WDPCP: variants seen among roughly 807,000 people sequenced by gnomAD.
The protein encoded by WDPCP is WD repeat-containing and planar cell polarity effector protein fritz homolog.
WDPCP carries 71 observed loss-of-function variants against 93.1 expected under a neutral mutation model. The observed-to-expected ratio is 0.76, with a 90% CI of 0.63 to 0.93. The LOEUF is 0.93. Ranked by LOEUF, WDPCP falls within the 40% of genes least tolerant of loss-of-function variation. The probability of loss-of-function intolerance (pLI) is 0.00; values close to 1 mark genes in which losing one functional copy is unlikely to be tolerated. For missense variants in WDPCP, 844 were observed against 887.4 expected, an observed-to-expected ratio of 0.95 and a Z score of 0.62; for synonymous variants, 315 against 315.0, an observed-to-expected ratio of 1.00 and a Z score of 0.00.
intron 3 of WDPCP, among the ~76,000 whole-genome samples, chr2:63,640,312 G>C (rs187801): frequency 6.6e-6 from 1 of 152,108 alleles, no homozygotes; most frequent in Admixed American, 6.5e-5. Flanking sequence ...CCGGCCAGAT[G>C]TAATGTTAAT....
At chr2:63,179,879 G>C (rs761160275) in intron 14 of WDPCP, among the ~76,000 whole-genome samples, 5 of 152,122 alleles carry the variant, frequency 3.3e-5, no homozygotes, top group Non-Finnish European at 7.3e-5. Flanking sequence ...TGTGATTGCT[G>C]TCTTTTAAAA....
intron 3 of WDPCP, chr2:63,599,263 C>T: frequency 6.8e-6 from 11 of 1,613,688 alleles, no homozygotes; most frequent in Non-Finnish European, 9.3e-6. Context: ...TTGCTTGACT[C>T]GTTTGGATCA....
chr2:63,522,588 GAGA>G (rs2106170939), intron 1 of WDPCP, among the ~76,000 whole-genome samples: 1 of 151,968 alleles, frequency 6.6e-6, no homozygotes, highest in Non-Finnish European at 1.5e-5. Flanking sequence ...AAGAAAAAGA[GAGA>G]AGATCTAAAT....
chr2:63,147,689 C>T (rs1224632707), intron 17 of WDPCP, among the ~76,000 whole-genome samples: 4 of 152,122 alleles, frequency 2.6e-5, no homozygotes, highest in Non-Finnish European at 4.4e-5. Context: ...GCCTAATAGG[C>T]TGGGTGCGGT....
chr2:63,754,219 T>C (rs781497873), intron 2 of WDPCP, among the ~76,000 whole-genome samples: 1 of 152,194 alleles, frequency 6.6e-6, no homozygotes, highest in Non-Finnish European at 1.5e-5. Context: ...TATCAGTTGA[T>C]GGCAATTCTC....
At chr2:63,797,053 T>A (rs1035506139) in intron 2 of WDPCP, among the ~76,000 whole-genome samples, 5 of 152,124 alleles carry the variant, frequency 3.3e-5, no homozygotes, top group African/African-American at 1.2e-4. Context: ...GAGGCTCCAT[T>A]CCAGGCCCTA....
intron 2 of WDPCP, among the ~76,000 whole-genome samples, chr2:63,809,655 G>C (rs1239456253): frequency 3.3e-5 from 5 of 151,874 alleles, no homozygotes; most frequent in South Asian, 4.2e-4. Flanking sequence ...GTCCACTCAG[G>C]GTTAAATGGA....
At chr2:63,562,811 T>C (rs1706726023) in intron 1 of WDPCP, among the ~76,000 whole-genome samples, 1 of 152,230 alleles carries the variant, frequency 6.6e-6, no homozygotes, top group African/African-American at 2.4e-5. Context: ...ATTTGGCCAC[T>C]GGAGTTCCTT....
At chr2:63,494,300 G>GACGACGACA (rs1260980085) in intron 1 of WDPCP, among the ~76,000 whole-genome samples, 3 of 151,834 alleles carry the variant, frequency 2.0e-5, no homozygotes, top group South Asian at 2.1e-4. Flanking sequence ...CGACGACGAC[G>GACGACGACA]ACAATGATGA....
intron 12 of WDPCP, among the ~76,000 whole-genome samples, chr2:63,327,233 C>G (rs945843263): frequency 2.6e-5 from 4 of 152,124 alleles, no homozygotes; most frequent in Non-Finnish European, 4.4e-5. Flanking sequence ...TCTGCTCAAA[C>G]CTGCGAGTTG....
At chr2:63,807,955 ACAAT>A (rs1378401815) in intron 2 of WDPCP, among the ~76,000 whole-genome samples, 2 of 152,222 alleles carry the variant, frequency 1.3e-5, no homozygotes, top group African/African-American at 4.8e-5. Context: ...CTGTCAGAAA[ACAAT>A]CAAACCAACA....
intron 2 of WDPCP, among the ~76,000 whole-genome samples, chr2:63,687,872 A>G (rs1167290654): frequency 2.0e-5 from 3 of 152,244 alleles, no homozygotes; most frequent in African/African-American, 2.4e-5. Flanking sequence ...GATATCGAAG[A>G]TGTATCTGTA....
At chr2:63,581,314 G>A (rs951009372) in intron 1 of WDPCP, among the ~76,000 whole-genome samples, 17 of 152,176 alleles carry the variant, frequency 1.1e-4, no homozygotes, top group African/African-American at 4.1e-4. Flanking sequence ...TCCCTGGAGA[G>A]GGAGAATCAT....
At chr2:63,356,258 G>T (rs972866181) in intron 12 of WDPCP, among the ~76,000 whole-genome samples, 1 of 152,090 alleles carries the variant, frequency 6.6e-6, no homozygotes, top group Non-Finnish European at 1.5e-5. Context: ...CCCAACACAG[G>T]AGCCTTCAGA....
rs139765213 is a variant in WDPCP, at chr2:63,573,419, T to A, written c.75+14778A>T. 3.1e-3 allele frequency among the ~76,000 whole-genome samples: 470 copies of A among 152,306 alleles called. 4 individuals carry two copies. Among genetic ancestry groups the A allele is most frequent in the African/African-American group, 0.01 (436 of 41,560 alleles). Reference sequence around the variant, plus strand: ...TTATTAGTTCCCCAAATTAATACTTTAATAATTTCTTATGCCTGTCTTTAC... The same window carrying A: ...TTATTAGTTCCCCAAATTAATACTTAAATAATTTCTTATGCCTGTCTTTAC... On this transcript the variant is annotated intron_variant, in intron 1 of 17. Coordinates refer to ENST00000272321, the MANE Select transcript of WDPCP (RefSeq NM_015910.7).
At chr2:63,341,651 T>G (rs774522815) in intron 12 of WDPCP, among the ~76,000 whole-genome samples, 5 of 152,224 alleles carry the variant, frequency 3.3e-5, no homozygotes, top group Non-Finnish European at 7.3e-5. Context: ...TCATCAACTA[T>G]TAGTGTATAA....
At chr2:63,144,716 C>T (rs1369775376) in intron 17 of WDPCP, among the ~76,000 whole-genome samples, 1 of 152,234 alleles carries the variant, frequency 6.6e-6, no homozygotes, top group African/African-American at 2.4e-5. Flanking sequence ...GTCCATCCCT[C>T]TTTAGCTTAA....
At chr2:63,589,371 A>T, upstream of WDPCP, 1 of 1,550,598 alleles carries the variant, frequency 6.4e-7, no homozygotes, top group Non-Finnish European at 8.7e-7. Context: ...ACGGTGTTTG[A>T]TAAGGACGAT....
chr2:63,494,678 T>G (rs1336686462), intron 1 of WDPCP, among the ~76,000 whole-genome samples: 1 of 151,634 alleles, frequency 6.6e-6, no homozygotes, highest in East Asian at 2.0e-4. Flanking sequence ...CCCAGTACTT[T>G]GGGAGGCCGA....
Sources: gnomAD v4.1 joint callset for allele counts (sites outside exome capture counted in the v4.1 genomes callset) on GRCh38, gnomAD v4.1.1 for gene constraint, MANE v1.5 for transcripts, NCBI Gene and HGNC (gene_info 2026-07-23, HGNC 2026-07-21) for gene names.